Variants in RAD51B observed in about 807,000 individuals in gnomAD.
The protein encoded by RAD51B is RAD51 paralog B.
In RAD51B, 38 loss-of-function variants were observed where a neutral mutation model predicts 42.2. That is an observed-to-expected ratio of 0.90 (90% CI 0.70 to 1.18). The LOEUF (loss-of-function observed/expected upper bound fraction) is 1.18, where lower values mean the gene tolerates loss of function less well. RAD51B is among the 50% of genes most tolerant of loss of function. The pLI is 0.00. For synonymous variants in RAD51B, 154 were observed against 145.2 expected (o/e 1.06, Z -0.43); for missense variants, 373 against 400.7 (o/e 0.93, Z 0.59).
chr14:68,296,833 A>G (rs779239784), intron 8 of RAD51B, among the ~76,000 whole-genome samples: 2 of 152,206 alleles, frequency 1.3e-5, no homozygotes, highest in Non-Finnish European at 2.9e-5. Context: ...GGCATGTTGT[A>G]TCCTGTTTTC....
intron 7 of RAD51B, among the ~76,000 whole-genome samples, chr14:67,965,643 G>A (rs908446945): frequency 7.9e-5 from 12 of 151,856 alleles, no homozygotes; most frequent in African/African-American, 2.7e-4. Flanking sequence ...CCCCCTTACC[G>A]TATTTCCCAT....
At chr14:68,213,704 G>A (rs2079757574) in intron 7 of RAD51B, among the ~76,000 whole-genome samples, 2 of 152,160 alleles carry the variant, frequency 1.3e-5, no homozygotes, top group South Asian at 4.1e-4. Flanking sequence ...TTCTCTAAGA[G>A]TCCATGTCCA....
intron 9 of RAD51B, among the ~76,000 whole-genome samples, chr14:68,431,537 A>G (rs138871002): frequency 0.85 from 129,330 of 152,006 alleles, 55,301 homozygotes; most frequent in East Asian, 0.97. Context: ...GTTTATTTGC[A>G]CAGAGGTGTT....
intron 7 of RAD51B, among the ~76,000 whole-genome samples, chr14:68,107,336 A>G (rs1003518613): frequency 2.0e-5 from 3 of 151,878 alleles, no homozygotes; most frequent in Non-Finnish European, 2.9e-5. Context: ...ACATTGTTGA[A>G]AGAAATTAAA....
At chr14:68,102,256 G>T (rs2077303265) in intron 7 of RAD51B, among the ~76,000 whole-genome samples, 1 of 152,178 alleles carries the variant, frequency 6.6e-6, no homozygotes, top group Non-Finnish European at 1.5e-5. Flanking sequence ...TTTCTCCATT[G>T]TCTTGGCAAG....
chr14:67,835,037 A>G (rs777874292), intron 3 of RAD51B, 43 bp from the exon 4 acceptor site: 38 of 1,419,754 alleles, frequency 2.7e-5, no homozygotes, highest in Non-Finnish European at 3.5e-5. Flanking sequence ...GTTTTTGAAT[A>G]TATATAGAGG....
chr14:68,090,816 G>A (rs1312966990), intron 7 of RAD51B, among the ~76,000 whole-genome samples: 2 of 150,264 alleles, frequency 1.3e-5, no homozygotes, highest in Non-Finnish European at 3.0e-5. Flanking sequence ...TTGTCATTTA[G>A]CATTAGGTAT....
At chr14:68,273,972 A>C (rs978895849) in intron 7 of RAD51B, among the ~76,000 whole-genome samples, 1 of 152,136 alleles carries the variant, frequency 6.6e-6, no homozygotes, top group African/African-American at 2.4e-5. Context: ...TTACAAATCT[A>C]GTAATAGTAT....
intron 7 of RAD51B, among the ~76,000 whole-genome samples, chr14:67,958,661 T>C (rs1244634488): frequency 2.6e-5 from 4 of 152,228 alleles, no homozygotes; most frequent in African/African-American, 7.2e-5. Flanking sequence ...GTGGGATGAT[T>C]GAATGTAAAG....
At chr14:68,680,824 G>C (rs1003614791) in intron 11 of RAD51B, among the ~76,000 whole-genome samples, 1 of 152,090 alleles carries the variant, frequency 6.6e-6, no homozygotes, top group African/African-American at 2.4e-5. Context: ...AGTAAGCTGA[G>C]AGTGAGGCCC....
chr14:67,827,377 A>G (rs1175525747), intron 3 of RAD51B, among the ~76,000 whole-genome samples: 1 of 152,044 alleles, frequency 6.6e-6, no homozygotes, highest in African/African-American at 2.4e-5. Flanking sequence ...TTCCAAATAC[A>G]GTTCAAGAAA....
chr14:68,028,561 C>T (rs138933148), intron 7 of RAD51B, among the ~76,000 whole-genome samples: 2 of 152,254 alleles, frequency 1.3e-5, no homozygotes, highest in South Asian at 2.1e-4. Flanking sequence ...CCTGGGGTGC[C>T]GGGACTAACT....
At chr14:67,962,710 T>G (rs897423586) in intron 7 of RAD51B, among the ~76,000 whole-genome samples, 2 of 152,178 alleles carry the variant, frequency 1.3e-5, no homozygotes, top group East Asian at 1.9e-4. Context: ...TTGTTGAAAT[T>G]TAGCCAACCA....
intron 7 of RAD51B, among the ~76,000 whole-genome samples, chr14:67,955,521 A>T (rs1364728623): frequency 6.6e-6 from 1 of 152,204 alleles, no homozygotes; most frequent in Non-Finnish European, 1.5e-5. Flanking sequence ...TTCTGTTTAT[A>T]TGAAAGATAT....
In RAD51B at chr14:67,877,819, C is replaced by T. The variant is rs116003942; in HGVS notation, c.453-8050C>T. 8.8e-3 allele frequency among the ~76,000 whole-genome samples: 1,347 copies of T among 152,258 alleles called. 20 individuals are homozygous for T. Among genetic ancestry groups the T allele is most frequent in the African/African-American group, 0.03 (1,259 of 41,528 alleles). ...CTGGGACTGTAGACGTGTGCTACCA[C>T]GCCTGGCTAATTAAAAAAATTTTTT... On this transcript the variant is annotated intron_variant, in intron 5 of 10. Transcript: ENST00000471583.
chr14:68,558,038 C>T (rs1248454882), intron 10 of RAD51B, among the ~76,000 whole-genome samples: 4 of 152,168 alleles, frequency 2.6e-5, no homozygotes, highest in African/African-American at 9.7e-5. Context: ...GCATATTGAC[C>T]ATAAATTTAC....
At chr14:68,287,464 G>A (rs1172236112) in intron 7 of RAD51B, among the ~76,000 whole-genome samples, 2 of 152,096 alleles carry the variant, frequency 1.3e-5, no homozygotes, top group African/African-American at 2.4e-5. Flanking sequence ...CTTCTTCCTC[G>A]AGAGAAGCTG....
chr14:67,981,558 A>C (rs758296166), intron 7 of RAD51B, among the ~76,000 whole-genome samples: 1 of 152,256 alleles, frequency 6.6e-6, no homozygotes, highest in Non-Finnish European at 1.5e-5. Context: ...AGTCACCCGC[A>C]TGTCCATCAA....
chr14:68,202,573 CTT>C (rs145298493), intron 7 of RAD51B, among the ~76,000 whole-genome samples: 22,494 of 83,306 alleles, frequency 0.27, 2,241 homozygotes, highest in Middle Eastern at 0.52. Context: ...GAAGCAACGT[CTT>C]TTTTTTTTTT....
Sources: allele counts gnomAD v4.1 joint callset (sites outside exome capture counted in the v4.1 genomes callset), GRCh38; gene constraint gnomAD v4.1.1; transcripts MANE v1.5; gene names NCBI Gene and HGNC (gene_info 2026-07-23, HGNC 2026-07-21).